The following KIR2DL3 variants were observed in gnomAD, a reference collection of about 807,000 sequenced individuals.
The protein encoded by KIR2DL3 is killer cell immunoglobulin like receptor, two Ig domains and long cytoplasmic tail 3.
In KIR2DL3, 39 loss-of-function variants were observed where a neutral mutation model predicts 33.8. The ratio of observed to expected loss-of-function variants is 1.15; its 90% CI spans 0.89 to 1.51. The LOEUF (loss-of-function observed/expected upper bound fraction) is 1.51, where lower values mean the gene tolerates loss of function less well. KIR2DL3 is among the 40% of genes most tolerant of loss of function. The pLI is 0.00. For missense variants in KIR2DL3, 462 were observed against 426.2 expected, an observed-to-expected ratio of 1.08 and a Z score of -0.74; for synonymous variants, 174 against 160.2, an observed-to-expected ratio of 1.09 and a Z score of -0.65.
intron 5 of KIR2DL3, among the ~76,000 whole-genome samples, chr19:54,749,132 A>G (rs1481898220): frequency 1.3e-4 from 19 of 151,530 alleles, no homozygotes; most frequent in African/African-American, 3.6e-4. Flanking sequence ...CTCTGCCTCA[A>G]ATGCTGGGAA....
rs1406635653 is a variant in KIR2DL3, at chr19:54,750,181, C to T, written c.716-1468C>T. Among the ~76,000 whole-genome samples, 4 of 133,266 alleles carry T rather than the reference C, an allele frequency of 3.0e-5. 1 individual carries two copies. Among genetic ancestry groups the T allele is most frequent in the Admixed American group, 7.8e-5 (1 of 12,868 alleles). The allele number at this position is 133,266 out of a possible 152,430, so 87.4% of individuals were successfully genotyped here. A position where few individuals can be genotyped will look rare whatever the true frequency, so the allele number is the denominator to read the frequency against. ...AAAACTTGCCCACTCACCCAAATCC[C>T]CCACCTCACCCCTACTTCCAATCAC... On this transcript the variant is annotated intron_variant, in intron 5 of 7. Coordinates refer to ENST00000342376, the MANE Select transcript of KIR2DL3 (RefSeq NM_015868.3).
At chr19:54,746,860 G>A (rs1555910651) in intron 4 of KIR2DL3, among the ~76,000 whole-genome samples, 21,147 of 118,018 alleles carry the variant, frequency 0.18, 774 homozygotes, top group African/African-American at 0.22. Context: ...GTCAGCACCT[G>A]TAATACCACT....
Position 54,751,351 on chromosome 19 carries a change from C to T in KIR2DL3, c.716-298C>T. ...AGCATTGGTCTGTTCATGATGGATC[C>T]ACCTCCATGACCCAAACACCTCTCA... On this transcript the variant is annotated intron_variant, in intron 5 of 7. Transcript: ENST00000342376. Among the ~76,000 whole-genome samples the T allele has an allele frequency of 1.5e-5, 2 of 132,618 alleles. 1 individual carries two copies. Among genetic ancestry groups the T allele is most frequent in the Non-Finnish European group, 3.3e-5 (2 of 60,704 alleles). The allele number at this position is 132,618 out of a possible 152,430, so 87.0% of individuals were successfully genotyped here. A position where few individuals can be genotyped will look rare whatever the true frequency, so the allele number is the denominator to read the frequency against.
chr19:54,746,870 T>C (rs2072581553), intron 4 of KIR2DL3, among the ~76,000 whole-genome samples: 1 of 147,536 alleles, frequency 6.8e-6, no homozygotes, highest in South Asian at 2.2e-4. Context: ...GTAATACCAC[T>C]ACTCAGGAGT....
chr19:54,741,512 C>T (rs565641049), intron 2 of KIR2DL3, among the ~76,000 whole-genome samples: 4,268 of 151,970 alleles, frequency 0.028, 76 homozygotes, highest in Middle Eastern at 0.071. Context: ...ATGGAGAAGG[C>T]ACAGGCATGG....
At chr19:54,741,555 G>A (rs1450261270) in intron 2 of KIR2DL3, among the ~76,000 whole-genome samples, 5 of 151,914 alleles carry the variant, frequency 3.3e-5, no homozygotes, top group East Asian at 1.9e-4. Flanking sequence ...CCAGGAACAG[G>A]GTGTGTGGAC....
At chr19:54,750,090 T>C (rs887891331) in intron 5 of KIR2DL3, among the ~76,000 whole-genome samples, 3 of 132,668 alleles carry the variant, frequency 2.3e-5, no homozygotes, top group Non-Finnish European at 4.9e-5. Context: ...ATAGAAAATG[T>C]GAAAGCCCTC....
chr19:54,740,446 C>T (rs1233770980), intron 2 of KIR2DL3, among the ~76,000 whole-genome samples: 3 of 140,324 alleles, frequency 2.1e-5, no homozygotes, highest in African/African-American at 7.8e-5. Flanking sequence ...TTTCATGGGC[C>T]CTGTGACCCC....
chr19:54,750,872 G>A (rs8113737), intron 5 of KIR2DL3, among the ~76,000 whole-genome samples: 1,911 of 115,772 alleles, frequency 0.017, 405 homozygotes, highest in African/African-American at 0.049. Flanking sequence ...GGAAGCCAGA[G>A]AGCAGCCCAG....
chr19:54,747,439 C>A (rs1158788208), intron 5 of KIR2DL3, 54 bp downstream of exon 5: 6 of 1,578,776 alleles, frequency 3.8e-6, no homozygotes, highest in Non-Finnish European at 4.4e-6. Context: ...AGGTAGAAAC[C>A]TTCGATGCAG....
Position 54,743,986 on chromosome 19 carries a change from G to C in KIR2DL3, c.562G>C (p.Gly188Arg). The change falls in exon 4 of 8, where the codon GGC (glycine) becomes CGC (arginine). Residue 188 changes from glycine to arginine, a missense_variant. Physicochemically the swap from Gly to Arg is moderately radical, Grantham distance 125. Transcript: ENST00000342376. ...NGTFQADFPL[G>R]PATHGGTYRC... ...AACATTCCAGGCCGACTTTCCTCTG[G>C]GCCCTGCCACCCACGGAGGAACCTA... is the stretch of plus-strand genomic sequence containing the variant. 6.2e-7 allele frequency: 1 copy of C among 1,614,202 alleles called. No individual in the cohort carries two copies. The highest frequency in any genetic ancestry group is 8.5e-7 in the Non-Finnish European group (1 of 1,180,034).
intron 4 of KIR2DL3, among the ~76,000 whole-genome samples, chr19:54,744,507 C>G (rs2147083218): frequency 6.6e-6 from 1 of 152,088 alleles, no homozygotes; most frequent in African/African-American, 2.4e-5. Flanking sequence ...ATAAATATAC[C>G]TATATAGCTT....
At chr19:54,746,133 T>C (rs1269683862) in intron 4 of KIR2DL3, among the ~76,000 whole-genome samples, 2 of 134,488 alleles carry the variant, frequency 1.5e-5, no homozygotes, top group Non-Finnish European at 3.3e-5. Context: ...TTTAATGGGG[T>C]GAGATGAAAA....
chr19:54,749,046 G>A (rs1337835650), intron 5 of KIR2DL3, among the ~76,000 whole-genome samples: 2 of 152,114 alleles, frequency 1.3e-5, no homozygotes, highest in African/African-American at 2.4e-5. Context: ...TGAAAGATTG[G>A]CGGAAGGATT....
chr19:54,740,537 T>A (rs1480405012), intron 2 of KIR2DL3, among the ~76,000 whole-genome samples: 1 of 151,630 alleles, frequency 6.6e-6, no homozygotes, highest in South Asian at 2.1e-4. Flanking sequence ...AACCCCCTGG[T>A]GATCGTGGTC....
At chr19:54,739,692 G>C in intron 2 of KIR2DL3, 150 bp downstream of exon 2, 1 of 1,319,070 alleles carries the variant, frequency 7.6e-7, no homozygotes, top group South Asian at 1.3e-5. Context: ...CGCCTCCCTG[G>C]CCTCTCAACC....
At chr19:54,745,535 G>GT (rs1291282235) in intron 4 of KIR2DL3, among the ~76,000 whole-genome samples, 12 of 150,864 alleles carry the variant, frequency 8.0e-5, no homozygotes, top group African/African-American at 1.9e-4. Flanking sequence ...GCTACTTTTT[G>GT]TTTTTTTTAG....
At chr19:54,751,574 A>G in intron 5 of KIR2DL3, 75 bp from the exon 6 acceptor site, 4 of 1,215,130 alleles carry the variant, frequency 3.3e-6, no homozygotes, top group Non-Finnish European at 4.7e-6. Context: ...TTACCTGTCA[A>G]TCAAGAAATG....
chr19:54,739,066 G>T (rs62122544), intron 1 of KIR2DL3, among the ~76,000 whole-genome samples: 1 of 144,328 alleles, frequency 6.9e-6, no homozygotes, highest in Non-Finnish European at 1.5e-5. Flanking sequence ...GGGCCTAGAG[G>T]TGGATATCTG....
Sources: gnomAD v4.1 joint callset for allele counts (sites outside exome capture counted in the v4.1 genomes callset) on GRCh38, gnomAD v4.1.1 for gene constraint, MANE v1.5 for transcripts, NCBI Gene and HGNC (gene_info 2026-07-23, HGNC 2026-07-21) for gene names.